Variants in OSBPL2 observed in about 807,000 individuals in gnomAD.
OSBPL2 encodes oxysterol-binding protein-related protein 2.
Under a neutral mutation model 58.4 loss-of-function variants are expected in OSBPL2, and 18 were observed. That is an observed-to-expected ratio of 0.31 (90% confidence interval 0.21 to 0.46). OSBPL2 has a LOEUF of 0.46. OSBPL2 is among the 20% of genes least tolerant of loss of function. OSBPL2 has a pLI of 1.00. For missense variants in OSBPL2, 461 were observed against 616.5 expected (o/e 0.75, Z 2.67); for synonymous variants, 221 against 234.1 (o/e 0.94, Z 0.51).
intron 9 of OSBPL2, among the ~76,000 whole-genome samples, chr20:62,283,269 C>A (rs917921022): frequency 3.3e-5 from 5 of 152,170 alleles, no homozygotes; most frequent in African/African-American, 1.2e-4. Context: ...ACAGAGTTGT[C>A]CCCAGGCTGT....
At chr20:62,271,041 G>A (rs796590569) in intron 4 of OSBPL2, among the ~76,000 whole-genome samples, 26 of 150,282 alleles carry the variant, frequency 1.7e-4, no homozygotes, top group African/African-American at 6.1e-4. Flanking sequence ...TGGTCTCTCT[G>A]GTCCTCTCCT....
chr20:62,293,612 C>A (rs1321836625), intron 13 of OSBPL2, among the ~76,000 whole-genome samples, 173 bp from the exon 14 acceptor site: 2 of 152,266 alleles, frequency 1.3e-5, no homozygotes, highest in Non-Finnish European at 2.9e-5. Context: ...CCAGCATTCA[C>A]ATGACCACGT....
chr20:62,263,789 G>GGC, intron 4 of OSBPL2, 98 bp downstream of exon 4: 1 of 1,085,622 alleles, frequency 9.2e-7, no homozygotes, highest in Non-Finnish European at 1.4e-6. Context: ...CTCTTGGCCG[G>GGC]GCGCGGTGGC....
In OSBPL2 at chr20:62,272,144, T is replaced by A. The variant is rs952970865; in HGVS notation, c.278T>A (p.Met93Lys). The A allele has an allele frequency of 1.9e-6, 3 of 1,613,828 alleles. No individual in the cohort carries two copies. The highest frequency in any genetic ancestry group is 3.3e-5 in the Admixed American group (2 of 60,012). ...TTCCAGGAGCTGTCCAAGATCACGA[T>A]GCCAATCGCCTTCAACGAGCCTCTG... is the stretch of plus-strand genomic sequence containing the variant. The part of the protein sequence containing the change: ...CVGLELSKIT[M>K]PIAFNEPLSF... The change falls in exon 5 of 14, where the codon ATG becomes AAG. Residue 93 changes from methionine (M) to lysine (K), a missense_variant. This residue lies in a region of OSBPL2 where 38 missense variants were observed against 74.2 expected (regional missense o/e 0.51). Coordinates refer to ENST00000313733, the MANE Select transcript of OSBPL2 (RefSeq NM_144498.4).
rs747860684 is a variant in OSBPL2 at position 62,279,303 on chromosome 20, C to T, written c.638C>T (p.Ala213Val). 8 of 1,614,178 alleles carry T rather than the reference C, an allele frequency of 5.0e-6. No homozygotes were observed. The highest frequency in any genetic ancestry group is 1.7e-5 in the Admixed American group (1 of 60,024). ...KLKFWGKSVE[A>V]EPRGTITLEL... ...AAGTTCTGGGGCAAAAGCGTGGAGG[C>T]GGAGCCCCGAGGCACCATCACCCTG... The change falls in exon 7 of 14, where the codon GCG (alanine) becomes GTG (valine). Residue 213 changes from alanine to valine, a missense_variant. Coordinates refer to ENST00000313733, the MANE Select transcript of OSBPL2 (RefSeq NM_144498.4).
intron 8 of OSBPL2, 130 bp from the exon 9 acceptor site, chr20:62,281,660 C>A: frequency 3.1e-6 from 2 of 641,306 alleles, no homozygotes; most frequent in East Asian, 2.6e-5. Context: ...GCCCCAAAGG[C>A]CCACCACACC....
intron 1 of OSBPL2, among the ~76,000 whole-genome samples, chr20:62,248,374 T>G (rs1980293611): frequency 6.6e-6 from 1 of 152,086 alleles, no homozygotes; most frequent in Non-Finnish European, 1.5e-5. Flanking sequence ...CAGGCTGGTC[T>G]CGAACTCCTG....
chr20:62,262,679 CG>C (rs916645197), intron 3 of OSBPL2, among the ~76,000 whole-genome samples: 3 of 152,212 alleles, frequency 2.0e-5, no homozygotes, highest in African/African-American at 7.2e-5. Flanking sequence ...GCTGCCCTGA[CG>C]TGGCATTCCC....
chr20:62,289,165 A>G (rs922239041), intron 11 of OSBPL2, 42 bp from the exon 12 acceptor site: 2 of 1,610,026 alleles, frequency 1.2e-6, no homozygotes, highest in African/African-American at 2.7e-5. Context: ...TCCATGGTTC[A>G]GAGGCCCTGC....
intron 9 of OSBPL2, among the ~76,000 whole-genome samples, chr20:62,282,308 C>G (rs1049548917): frequency 2.0e-5 from 3 of 152,172 alleles, no homozygotes; most frequent in Non-Finnish European, 4.4e-5. Flanking sequence ...GTCACGTGAC[C>G]AGTTCACTCC....
Position 62,250,875 on chromosome 20 carries a change from C to T in OSBPL2, c.-128-5182C>T, listed in dbSNP as rs116540112. ...TGGAGGTCAAGGCTGCAGTGAGCGG[C>T]GATTGTGCCGCTGATGTCAGCCTAG... On this transcript the variant is annotated intron_variant, in intron 1 of 13. Transcript: ENST00000313733. Among the ~76,000 whole-genome samples, 1,067 of 152,058 alleles carry T rather than the reference C, an allele frequency of 7.0e-3. 11 individuals are homozygous for T. Among genetic ancestry groups the T allele is most frequent in the African/African-American group, 0.024 (1,008 of 41,470 alleles).
chr20:62,286,858 A>G (rs972249266), intron 11 of OSBPL2, 147 bp downstream of exon 11: 10 of 951,108 alleles, frequency 1.1e-5, no homozygotes, highest in African/African-American at 1.7e-5. Flanking sequence ...GGCCTCCGCC[A>G]TTGTCGGAGT....
Position 62,280,949 on chromosome 20 carries a change from C to G in OSBPL2, c.675-109C>G, listed in dbSNP as rs554764288. On this transcript the variant is annotated intron_variant, in intron 7 of 13. Transcript: ENST00000313733. ...GCTTCAAAGCAGCGTGCTGCTCTCCCGCGGGTGCCGGTTGCTGTGACCCAG... is the reference window on the plus strand; with the variant it reads ...GCTTCAAAGCAGCGTGCTGCTCTCCGGCGGGTGCCGGTTGCTGTGACCCAG... 3 of 772,172 alleles carry G rather than the reference C, an allele frequency of 3.9e-6. No homozygotes were observed. In the African/African-American group the frequency reaches 5.1e-5, roughly 13 times the overall value. The allele number at this position is 772,172 out of a possible 1,614,324, so 47.8% of individuals were successfully genotyped here. A position where few individuals can be genotyped will look rare whatever the true frequency, so the allele number is the denominator to read the frequency against.
intron 8 of OSBPL2, 71 bp from the exon 9 acceptor site, chr20:62,281,719 C>T (rs1601193471): frequency 8.4e-7 from 1 of 1,188,596 alleles, no homozygotes; most frequent in South Asian, 1.2e-5. Context: ...CCGCGCTTCT[C>T]CTGTTACAGA....
chr20:62,293,580 G>T (rs1170477072), intron 13 of OSBPL2, among the ~76,000 whole-genome samples: 1 of 152,218 alleles, frequency 6.6e-6, no homozygotes, highest in African/African-American at 2.4e-5. Context: ...AATTGACACG[G>T]GTGGCTGGAT....
rs192664846 is a variant in OSBPL2, at chr20:62,257,236, G to A, written c.37+1015G>A. On this transcript the variant is annotated intron_variant, in intron 2 of 13. Coordinates refer to ENST00000313733, the MANE Select transcript of OSBPL2 (RefSeq NM_144498.4). ...AGGAGGGTCTCTGTGGCCACACCCCGAGGATGTTGATGGCTCTGGTGGCGC... is the reference window on the plus strand; with the variant it reads ...AGGAGGGTCTCTGTGGCCACACCCCAAGGATGTTGATGGCTCTGGTGGCGC... Among the ~76,000 whole-genome samples the A allele has an allele frequency of 5.3e-5, 8 of 152,268 alleles. No individual in the cohort carries two copies. In the East Asian group the frequency reaches 1.4e-3, roughly 26 times the overall value.
At chr20:62,282,694 G>A (rs1482819810) in intron 9 of OSBPL2, among the ~76,000 whole-genome samples, 1 of 152,148 alleles carries the variant, frequency 6.6e-6, no homozygotes, top group Non-Finnish European at 1.5e-5. Flanking sequence ...AGGTGTGATG[G>A]CGCACATCTG....
chr20:62,257,023 C>T (rs1402452544), intron 2 of OSBPL2, among the ~76,000 whole-genome samples: 2 of 152,264 alleles, frequency 1.3e-5, no homozygotes, highest in African/African-American at 2.4e-5. Flanking sequence ...TGTCCTTAGG[C>T]GTCGGGATCA....
chr20:62,254,100 C>T (rs1455102068), intron 1 of OSBPL2, among the ~76,000 whole-genome samples: 2 of 152,170 alleles, frequency 1.3e-5, no homozygotes, highest in African/African-American at 2.4e-5. Context: ...GCCCGGCCGA[C>T]TCACCCTTTT....
Sources: allele counts gnomAD v4.1 joint callset (sites outside exome capture counted in the v4.1 genomes callset), GRCh38; gene constraint gnomAD v4.1.1; regional missense constraint gnomAD v4.1.1; transcripts MANE v1.5; gene names NCBI Gene and HGNC (gene_info 2026-07-23, HGNC 2026-07-21).